Variants in SNX8 observed in about 807,000 individuals in gnomAD.
The protein encoded by SNX8 is sorting nexin 8.
A neutral mutation model predicts 51.6 loss-of-function variants in SNX8; 25 were observed. That is an observed-to-expected ratio of 0.48 (90% CI 0.35 to 0.68). The LOEUF (loss-of-function observed/expected upper bound fraction) is 0.68, where lower values mean the gene tolerates loss of function less well. SNX8 is among the 30% of genes least tolerant of loss of function. The probability of loss-of-function intolerance (pLI) is 0.00; values close to 1 mark genes in which losing one functional copy is unlikely to be tolerated. For missense variants in SNX8, 695 were observed against 624.0 expected (o/e 1.11, Z -1.21); for synonymous variants, 324 against 277.0 (o/e 1.17, Z -1.68).
intron 2 of SNX8, 25 bp downstream of exon 2, chr7:2,278,075 G>A (rs529230021): frequency 1.4e-5 from 23 of 1,606,814 alleles, no homozygotes; most frequent in Admixed American, 1.2e-4. Flanking sequence ...CTCCTGCCCC[G>A]ACACACACAC....
intron 1 of SNX8, among the ~76,000 whole-genome samples, chr7:2,294,869 A>G (rs1796236352): frequency 6.6e-6 from 1 of 151,934 alleles, no homozygotes; most frequent in Non-Finnish European, 1.5e-5. Flanking sequence ...CCCCATCTCT[A>G]CAAAAAAATA....
chr7:2,316,133 A>G (rs1377901503), upstream of SNX8, among the ~76,000 whole-genome samples: 1 of 148,328 alleles, frequency 6.7e-6, no homozygotes, highest in East Asian at 2.0e-4. Context: ...TCCTGCTTTC[A>G]TTCACGCAAC....
At chr7:2,286,028 T>A (rs969644452) in intron 1 of SNX8, among the ~76,000 whole-genome samples, 1 of 151,584 alleles carries the variant, frequency 6.6e-6, no homozygotes. Flanking sequence ...TTTTTCTTTT[T>A]TGAGAGGGAG....
intron 1 of SNX8, among the ~76,000 whole-genome samples, chr7:2,322,398 T>C (rs1778538082): frequency 6.6e-6 from 1 of 151,206 alleles, no homozygotes; most frequent in Admixed American, 6.6e-5. Flanking sequence ...ACCCCATCAC[T>C]TAAAAATAAA....
At position 2,297,300 on chromosome 7, in the gene SNX8, C is replaced by T. The variant is rs985448606; in HGVS notation, c.94+17028G>A. The stretch of plus-strand genomic sequence containing the variant: ...GCATGGTGGCTCACACCTGTAATCC[C>T]AGCACTTTGGGAGGCCGAGGCGGGC... On this transcript the variant is annotated intron_variant, in intron 1 of 10. Transcript: ENST00000222990. Among the ~76,000 whole-genome samples, 5 of 151,794 alleles carry T rather than the reference C, an allele frequency of 3.3e-5. 1 individual carries two copies. The highest frequency in any genetic ancestry group is 1.2e-4 in the African/African-American group (5 of 41,170).
intron 1 of SNX8, among the ~76,000 whole-genome samples, chr7:2,343,787 AG>A (rs1419466629): frequency 1.3e-5 from 2 of 150,932 alleles, no homozygotes; most frequent in Non-Finnish European, 3.0e-5. Context: ...GGGAGGCCAA[AG>A]GGGGCCGATC....
intron 1 of SNX8, among the ~76,000 whole-genome samples, chr7:2,325,433 G>A (rs1480933619): frequency 6.6e-6 from 1 of 152,206 alleles, no homozygotes; most frequent in Non-Finnish European, 1.5e-5. Context: ...ACGTGGTATA[G>A]AAAACCTAAA....
intron 1 of SNX8, chr7:2,309,728 T>G (rs1443620499): frequency 4.4e-6 from 2 of 456,218 alleles, no homozygotes; most frequent in Non-Finnish European, 9.1e-6. Context: ...CGAGACTCCA[T>G]CTCAAAAAAA....
chr7:2,312,288 T>C (rs1159645403), intron 1 of SNX8, among the ~76,000 whole-genome samples: 3 of 152,106 alleles, frequency 2.0e-5, no homozygotes, highest in African/African-American at 7.2e-5. Context: ...TGGAGTCTAC[T>C]TCTGTGAAGC....
At chr7:2,282,217 G>A (rs1338109566) in intron 1 of SNX8, among the ~76,000 whole-genome samples, 1 of 152,324 alleles carries the variant, frequency 6.6e-6, no homozygotes, top group East Asian at 1.9e-4. Context: ...CTAAAACTCA[G>A]AATGCATTCC....
intron 3 of SNX8, chr7:2,274,893 G>A (rs1795740087): frequency 5.5e-6 from 3 of 545,942 alleles, no homozygotes; most frequent in African/African-American, 1.9e-5. Context: ...TGCAGCTGAA[G>A]GCTCTGGTGG....
chr7:2,325,086 C>G (rs920188362), intron 1 of SNX8, among the ~76,000 whole-genome samples: 1 of 152,202 alleles, frequency 6.6e-6, no homozygotes, highest in Admixed American at 6.6e-5. Flanking sequence ...CCTGACTTGG[C>G]CTCCCAAAGT....
At chr7:2,291,102 C>G (rs1796140510) in intron 1 of SNX8, among the ~76,000 whole-genome samples, 1 of 151,842 alleles carries the variant, frequency 6.6e-6, no homozygotes, top group South Asian at 2.1e-4. Context: ...TTGAGACCAA[C>G]CTGGGCAACA....
intron 1 of SNX8, among the ~76,000 whole-genome samples, chr7:2,309,109 G>T (rs1311819177): frequency 6.6e-6 from 1 of 151,664 alleles, no homozygotes; most frequent in Non-Finnish European, 1.5e-5. Flanking sequence ...TTTTTAAATA[G>T]GGATGGGGTC....
intron 1 of SNX8, among the ~76,000 whole-genome samples, chr7:2,328,485 C>A (rs1778668869): frequency 6.6e-6 from 1 of 152,142 alleles, no homozygotes; most frequent in African/African-American, 2.4e-5. Flanking sequence ...AGCCATCATG[C>A]CCAACCATTG....
intron 5 of SNX8, among the ~76,000 whole-genome samples, chr7:2,266,763 C>T (rs148923531): frequency 0.025 from 3,750 of 152,084 alleles, 141 homozygotes; most frequent in African/African-American, 0.085. Context: ...TCAAGTGATC[C>T]GACAGCCTCA....
At chr7:2,343,680 A>G (rs920615249) in intron 1 of SNX8, among the ~76,000 whole-genome samples, 1 of 152,004 alleles carries the variant, frequency 6.6e-6, no homozygotes, top group Admixed American at 6.6e-5. Flanking sequence ...ATCTCAATAA[A>G]TAAATAAATA....
At chr7:2,266,749 G>C (rs1429138553) in intron 5 of SNX8, among the ~76,000 whole-genome samples, 1 of 151,836 alleles carries the variant, frequency 6.6e-6, no homozygotes. Flanking sequence ...TCAAACTCCT[G>C]ACCTCAAGTG....
intron 1 of SNX8, among the ~76,000 whole-genome samples, chr7:2,335,407 G>C (rs967630172): frequency 6.6e-6 from 1 of 152,098 alleles, no homozygotes; most frequent in Non-Finnish European, 1.5e-5. Context: ...CCAGCACTTT[G>C]GGAGGCCTAG....
Sources: allele counts gnomAD v4.1 joint callset (sites outside exome capture counted in the v4.1 genomes callset), GRCh38; gene constraint gnomAD v4.1.1; transcripts MANE v1.5; gene names NCBI Gene and HGNC (gene_info 2026-07-23, HGNC 2026-07-21).